Variants in SRRM4 observed in about 807,000 individuals in gnomAD.
The protein encoded by SRRM4 is serine/arginine repetitive matrix protein 4.
In SRRM4, 33 loss-of-function variants were observed where a neutral mutation model predicts 68.9. The observed-to-expected ratio is 0.48, with a 90% CI of 0.36 to 0.64. SRRM4 has a LOEUF of 0.64. Ranked by LOEUF, SRRM4 falls within the 30% of genes least tolerant of loss-of-function variation. SRRM4 has a pLI of 0.00. For missense variants in SRRM4, 817 were observed against 827.1 expected, an observed-to-expected ratio of 0.99 and a Z score of 0.15; for synonymous variants, 318 against 318.8, an observed-to-expected ratio of 1.00 and a Z score of 0.03.
chr12:118,996,704 G>T (rs907603805), intron 1 of SRRM4, among the ~76,000 whole-genome samples: 11 of 152,240 alleles, frequency 7.2e-5, no homozygotes, highest in African/African-American at 2.4e-4. Flanking sequence ...ATGGATGGTA[G>T]ATGTGAGACT....
chr12:119,134,629 C>T (rs1467615176), intron 8 of SRRM4, among the ~76,000 whole-genome samples: 2 of 152,296 alleles, frequency 1.3e-5, no homozygotes, highest in East Asian at 1.9e-4. Flanking sequence ...CCCTTCTCTC[C>T]CTTGGCACTT....
intron 1 of SRRM4, among the ~76,000 whole-genome samples, chr12:119,050,910 C>T (rs1014862899): frequency 1.3e-5 from 2 of 152,078 alleles, no homozygotes; most frequent in African/African-American, 4.8e-5. Flanking sequence ...GTCACCCTAG[C>T]CACATCCCAA....
Position 119,151,053 on chromosome 12 carries a change from G to A in SRRM4, c.1113G>A (p.Val371=). 1.2e-6 allele frequency: 2 copies of A among 1,614,020 alleles called. No individual in the cohort carries two copies. Among genetic ancestry groups the A allele is most frequent in the Non-Finnish European group, 1.7e-6 (2 of 1,179,896 alleles). Residue 371 remains valine (V), a synonymous_variant, in exon 10 of 13, where the codon GTG becomes GTA. Coordinates refer to ENST00000267260, the MANE Select transcript of SRRM4 (RefSeq NM_194286.4). ...FQSPCLECAE[V]KKSSLVPSTA... is the part of the protein sequence containing the mutation. Reference sequence around the variant, plus strand: ...CACCGTGTCTGGAATGTGCCGAAGTGAAGAAGTCCAGTTTGGTCCCATCCA... The same window carrying A: ...CACCGTGTCTGGAATGTGCCGAAGTAAAGAAGTCCAGTTTGGTCCCATCCA...
chr12:119,015,842 T>G (rs77806067), intron 1 of SRRM4, among the ~76,000 whole-genome samples: 3 of 152,042 alleles, frequency 2.0e-5, no homozygotes, highest in African/African-American at 7.2e-5. Context: ...TCCTCCTCAT[T>G]CTTCATATTT....
intron 1 of SRRM4, among the ~76,000 whole-genome samples, chr12:119,048,376 T>C (rs570332582): frequency 6.6e-6 from 1 of 152,232 alleles, no homozygotes; most frequent in Non-Finnish European, 1.5e-5. Context: ...TCAAGACATA[T>C]TTAGCGAGCC....
chr12:119,111,958 AT>A (rs1457563412), intron 2 of SRRM4, among the ~76,000 whole-genome samples: 2 of 152,042 alleles, frequency 1.3e-5, no homozygotes, highest in African/African-American at 4.8e-5. Flanking sequence ...AGGCAGGAGA[AT>A]CGCTTGAACC....
At chr12:119,048,398 G>A (rs1565897260) in intron 1 of SRRM4, among the ~76,000 whole-genome samples, 1 of 152,136 alleles carries the variant, frequency 6.6e-6, no homozygotes, top group Non-Finnish European at 1.5e-5. Context: ...ATGTGATGGA[G>A]GTGAAGGAGC....
rs528166919 is a variant in SRRM4, at chr12:119,156,945, A to G, written c.*147A>G. 704 of 1,034,810 alleles carry G rather than the reference A, an allele frequency of 6.8e-4. No homozygotes were observed. Among genetic ancestry groups the G allele is most frequent in the Middle Eastern group, 9.5e-4 (3 of 3,148 alleles). 64.1% of individuals were successfully genotyped at this position (1,034,810 alleles called of 1,614,324 possible). ...GCCTAGGGGAAGAGGAGAAGAGGGTAAGGGGGCTTCACTCTCTAGATCAGC... is the reference window on the plus strand; with the variant it reads ...GCCTAGGGGAAGAGGAGAAGAGGGTGAGGGGGCTTCACTCTCTAGATCAGC... On this transcript the variant is annotated 3_prime_UTR_variant, in exon 13 of 13. Coordinates refer to ENST00000267260, the MANE Select transcript of SRRM4 (RefSeq NM_194286.4).
At chr12:119,018,190 C>T (rs1244759505) in intron 1 of SRRM4, among the ~76,000 whole-genome samples, 1 of 152,142 alleles carries the variant, frequency 6.6e-6, no homozygotes, top group Non-Finnish European at 1.5e-5. Flanking sequence ...AAATCTGTCT[C>T]TCTGTGCTGG....
chr12:119,088,357 C>A (rs1055482943), intron 1 of SRRM4, among the ~76,000 whole-genome samples: 1 of 152,124 alleles, frequency 6.6e-6, no homozygotes, highest in Non-Finnish European at 1.5e-5. Context: ...ATGCACCCCC[C>A]TCAACGGTGA....
At chr12:119,036,910 A>T (rs2136009152) in intron 1 of SRRM4, 1 of 152,332 alleles carries the variant, frequency 6.6e-6, no homozygotes, top group African/African-American at 2.4e-5. Flanking sequence ...GATGATGTTA[A>T]GGGTGCTCTT....
intron 1 of SRRM4, chr12:119,001,327 AG>A (rs938217117): frequency 2.6e-5 from 4 of 152,228 alleles, no homozygotes; most frequent in African/African-American, 7.2e-5. Flanking sequence ...CATTGGTAAA[AG>A]CTTGTCACAA....
intron 7 of SRRM4, among the ~76,000 whole-genome samples, chr12:119,129,055 C>T (rs1036116920): frequency 6.6e-6 from 1 of 152,206 alleles, no homozygotes; most frequent in African/African-American, 2.4e-5. Flanking sequence ...ATCCCAGGCG[C>T]TAGTTCCTAG....
At chr12:119,135,055 A>G (rs1954319723) in intron 8 of SRRM4, among the ~76,000 whole-genome samples, 1 of 152,180 alleles carries the variant, frequency 6.6e-6, no homozygotes, top group Non-Finnish European at 1.5e-5. Flanking sequence ...AGATGGGAAA[A>G]TAGGCCCTGT....
At chr12:119,011,674 C>G (rs553858166) in intron 1 of SRRM4, among the ~76,000 whole-genome samples, 1 of 152,274 alleles carries the variant, frequency 6.6e-6, no homozygotes, top group South Asian at 2.1e-4. Context: ...TCCTGCCTTC[C>G]CATGGGTTTG....
Position 119,117,596 on chromosome 12 carries a change from G to GCACA in SRRM4, c.437+604_437+607dup, listed in dbSNP as rs71451816. On this transcript the variant is annotated intron_variant, in intron 4 of 12. Transcript: ENST00000267260. ...GGCCCATGTTCCTGGTGTTCACTGTGCACACACACACACACACACGTGTAT... is the reference window on the plus strand; with the variant it reads ...GGCCCATGTTCCTGGTGTTCACTGTGCACACACACACACACACACACACGTGTAT... Among the ~76,000 whole-genome samples the GCACA allele has an allele frequency of 1.8e-3, 272 of 150,402 alleles. 1 individual carries two copies. The highest frequency in any genetic ancestry group is 5.7e-3 in the African/African-American group (235 of 40,978).
chr12:119,108,714 C>T (rs1954123933), intron 2 of SRRM4, among the ~76,000 whole-genome samples: 1 of 151,766 alleles, frequency 6.6e-6, no homozygotes. Context: ...CTATGTGTGT[C>T]TCTGCAGGTG....
intron 1 of SRRM4, chr12:118,994,091 A>G (rs1297150267): frequency 6.6e-6 from 1 of 152,200 alleles, no homozygotes. Flanking sequence ...CATGCTGATC[A>G]GTAGTGGGAT....
intron 1 of SRRM4, among the ~76,000 whole-genome samples, chr12:119,092,996 C>T (rs996304851): frequency 6.6e-6 from 1 of 152,194 alleles, no homozygotes; most frequent in African/African-American, 2.4e-5. Context: ...TGCACTGGCT[C>T]CACTCTGCCT....
Sources: gnomAD v4.1 joint callset for allele counts (sites outside exome capture counted in the v4.1 genomes callset) on GRCh38, gnomAD v4.1.1 for gene constraint, MANE v1.5 for transcripts, NCBI Gene and HGNC (gene_info 2026-07-23, HGNC 2026-07-21) for gene names.